MDFIC: variants seen among roughly 807,000 people sequenced by gnomAD.
MDFIC encodes the protein myoD family inhibitor domain-containing protein.
MDFIC carries 17 observed loss-of-function variants against 23.2 expected under a neutral mutation model. The ratio of observed to expected loss-of-function variants is 0.73; its 90% CI spans 0.50 to 1.10. The LOEUF is 1.10. Ranked by LOEUF, MDFIC falls within the 50% of genes least tolerant of loss-of-function variation. The pLI, the probability that MDFIC is intolerant of heterozygous loss-of-function variation, is 0.00. For synonymous variants in MDFIC, 120 were observed against 115.2 expected, an observed-to-expected ratio of 1.04 and a Z score of -0.27; for missense variants, 356 against 316.6, an observed-to-expected ratio of 1.12 and a Z score of -0.95.
chr7:114,979,913 C>G (rs765326027), intron 4 of MDFIC, 132 bp downstream of exon 4: 2 of 1,117,104 alleles, frequency 1.8e-6, no homozygotes, highest in Admixed American at 2.0e-5. Context: ...TGGTAAAATG[C>G]AGATTAACTT....
chr7:114,953,311 C>CA (rs1024759926), intron 3 of MDFIC, among the ~76,000 whole-genome samples: 4 of 151,580 alleles, frequency 2.6e-5, no homozygotes, highest in African/African-American at 9.7e-5. Context: ...CCCAATGAAA[C>CA]AAAAAAATAG....
At chr7:114,925,445 A>G (rs1408021359) in intron 2 of MDFIC, among the ~76,000 whole-genome samples, 1 of 152,218 alleles carries the variant, frequency 6.6e-6, no homozygotes, top group East Asian at 1.9e-4. Context: ...GTCCATATTA[A>G]GAGCATACTC....
chr7:114,979,659 C>G lies in MDFIC; in HGVS notation c.371C>G (p.Ser124Ter). The G allele has an allele frequency of 6.2e-7, 1 of 1,614,060 alleles. No individual in the cohort carries two copies. The highest frequency in any genetic ancestry group is 8.5e-7 in the Non-Finnish European group (1 of 1,179,980). The change falls in exon 4 of 5, where the codon TCA becomes TGA. Residue 124 changes from serine (S) to a stop codon, truncating the protein, a stop_gained. Transcript: ENST00000393486. LOFTEE classifies it high-confidence loss of function. ...GGATCCGCAGATAATCGCAAACTTT[C>G]AGCACCTGTTTCTCAAAAAATGCAT... is the stretch of plus-strand genomic sequence containing the variant. Reference protein sequence around the residue: ...KHGSADNRKLSAPVSQKMHRK... With the variant: ...KHGSADNRKL
chr7:114,948,988 A>C (rs951900779), intron 3 of MDFIC, among the ~76,000 whole-genome samples: 3 of 152,150 alleles, frequency 2.0e-5, no homozygotes, highest in African/African-American at 7.2e-5. Context: ...GATACTTTCC[A>C]TTGTGCTTAA....
intron 4 of MDFIC, among the ~76,000 whole-genome samples, chr7:114,993,414 T>G (rs916471586): frequency 3.9e-5 from 6 of 152,238 alleles, no homozygotes; most frequent in South Asian, 4.1e-4. Context: ...TGTTTGCTCT[T>G]GCTTCTCTAG....
intron 2 of MDFIC, 28 bp from the exon 3 acceptor site, chr7:114,942,247 T>C: frequency 7.7e-7 from 1 of 1,297,186 alleles, no homozygotes; most frequent in Non-Finnish European, 1.0e-6. Context: ...TAAAATCAAT[T>C]ATATTAAATG....
At chr7:114,998,122 A>G (rs570869429) in intron 4 of MDFIC, among the ~76,000 whole-genome samples, 7 of 152,336 alleles carry the variant, frequency 4.6e-5, no homozygotes, top group African/African-American at 1.7e-4. Flanking sequence ...GCATAATACT[A>G]CAATTCAGAG....
intron 3 of MDFIC, among the ~76,000 whole-genome samples, chr7:114,967,747 T>G (rs1355844543): frequency 6.6e-6 from 1 of 152,006 alleles, no homozygotes. Flanking sequence ...ATTTAGTGGG[T>G]TTTAATGGCA....
chr7:115,008,298 G>GT (rs113643904), intron 4 of MDFIC, among the ~76,000 whole-genome samples: 2,797 of 142,550 alleles, frequency 0.02, 32 homozygotes, highest in African/African-American at 0.044. Context: ...GGGCAGTGCT[G>GT]TTTTTTTTTT....
At chr7:114,992,171 G>A (rs1483316702) in intron 4 of MDFIC, among the ~76,000 whole-genome samples, 1 of 152,158 alleles carries the variant, frequency 6.6e-6, no homozygotes, top group Non-Finnish European at 1.5e-5. Flanking sequence ...TGGTGTATAA[G>A]AATGCTTGTG....
chr7:114,971,848 C>G (rs1793211647), intron 3 of MDFIC, among the ~76,000 whole-genome samples: 1 of 151,646 alleles, frequency 6.6e-6, no homozygotes, highest in Non-Finnish European at 1.5e-5. Flanking sequence ...ACTTTTCTAT[C>G]ACATCATAGT....
Position 115,018,672 on chromosome 7 carries a change from G to A in MDFIC, c.*2737G>A, listed in dbSNP as rs1791844057. On this transcript the variant is annotated 3_prime_UTR_variant, in exon 5 of 5. Coordinates refer to ENST00000393486, the MANE Select transcript of MDFIC (RefSeq NM_001166345.3). ...TTACAGGCGGTGTCCTTTTAAATGT[G>A]GAAAGGCTTTTAAAATATTTTAAAA... is the stretch of plus-strand genomic sequence containing the variant. The A allele has an allele frequency of 6.6e-6, 1 of 152,296 alleles. No individual in the cohort carries two copies. The highest frequency in any genetic ancestry group is 2.4e-5 in the African/African-American group (1 of 41,416). 9.4% of individuals were successfully genotyped at this position (152,296 alleles called of 1,614,324 possible).
intron 3 of MDFIC, among the ~76,000 whole-genome samples, chr7:114,972,344 C>T (rs1282921168): frequency 2.0e-5 from 3 of 152,104 alleles, no homozygotes; most frequent in East Asian, 1.9e-4. Flanking sequence ...CCCAGATTGC[C>T]GGGGACCGAC....
intron 3 of MDFIC, among the ~76,000 whole-genome samples, chr7:114,979,101 G>A (rs890625259): frequency 1.3e-5 from 2 of 152,038 alleles, no homozygotes; most frequent in Admixed American, 1.3e-4. Flanking sequence ...AGACAATTGA[G>A]TAGTTTGTTA....
intron 3 of MDFIC, among the ~76,000 whole-genome samples, chr7:114,963,351 C>G (rs1418734620): frequency 6.6e-6 from 1 of 152,122 alleles, no homozygotes; most frequent in Non-Finnish European, 1.5e-5. Context: ...CACTGGCTTT[C>G]CATCAGGTCA....
chr7:114,922,503 A>T lies in MDFIC; in HGVS notation c.-241A>T. The T allele has an allele frequency of 8.0e-7, 1 of 1,255,756 alleles. No homozygotes were observed. Among genetic ancestry groups the T allele is most frequent in the Non-Finnish European group, 1.0e-6 (1 of 993,952 alleles). 77.8% of individuals were successfully genotyped at this position (1,255,756 alleles called of 1,614,324 possible). A position where few individuals can be genotyped will look rare whatever the true frequency, so the allele number is the denominator to read the frequency against. On this transcript the variant is annotated 5_prime_UTR_variant, in exon 1 of 5. Transcript: ENST00000393486. ...GCCGGAGGGAGGCGGGAGGACGCGC[A>T]GGGGCGGCCGCCGCCGTCGTCAGGC...
chr7:114,953,581 A>G (rs1401910331), intron 3 of MDFIC, among the ~76,000 whole-genome samples: 1 of 152,188 alleles, frequency 6.6e-6, no homozygotes, highest in Non-Finnish European at 1.5e-5. Flanking sequence ...TCAATCAGTC[A>G]TTGTGTGAAA....
intron 4 of MDFIC, among the ~76,000 whole-genome samples, chr7:114,996,019 T>C (rs977151911): frequency 6.6e-6 from 1 of 152,192 alleles, no homozygotes; most frequent in African/African-American, 2.4e-5. Flanking sequence ...AGTTCTAAAA[T>C]CAAACATCTC....
Position 114,922,973 on chromosome 7 carries a change from G to C in MDFIC, c.-61G>C. Reference sequence around the variant, plus strand: ...CAGCACCTCACAGCCCTTCCTCCGTGCGCCCTGCCGGGCGGCGAGCTAGGC... The same window carrying C: ...CAGCACCTCACAGCCCTTCCTCCGTCCGCCCTGCCGGGCGGCGAGCTAGGC... On this transcript the variant is annotated 5_prime_UTR_variant, in exon 2 of 5. Coordinates refer to ENST00000393486, the MANE Select transcript of MDFIC (RefSeq NM_001166345.3). 6.5e-7 allele frequency: 1 copy of C among 1,550,066 alleles called. No individual in the cohort carries two copies. The highest frequency in any genetic ancestry group is 8.7e-7 in the Non-Finnish European group (1 of 1,150,028).
Sources: gnomAD v4.1 joint callset for allele counts (sites outside exome capture counted in the v4.1 genomes callset) on GRCh38, gnomAD v4.1.1 for gene constraint, MANE v1.5 for transcripts, NCBI Gene and HGNC (gene_info 2026-07-23, HGNC 2026-07-21) for gene names.